The following SYT1 variants were observed in gnomAD, a reference collection of about 807,000 sequenced individuals.
SYT1 encodes the protein synaptotagmin-1.
In SYT1, 8 loss-of-function variants were observed where a neutral mutation model predicts 44.8. The ratio of observed to expected loss-of-function variants is 0.18; its 90% CI spans 0.10 to 0.32. SYT1 has a LOEUF of 0.32. SYT1 is among the 10% of genes least tolerant of loss of function. The probability of loss-of-function intolerance (pLI) is 1.00; values close to 1 mark genes in which losing one functional copy is unlikely to be tolerated. For missense variants in SYT1, 286 were observed against 509.3 expected (o/e 0.56, Z 4.22); for synonymous variants, 154 against 188.8 (o/e 0.82, Z 1.51).
At chr12:79,034,115 A>T (rs1463787765) in intron 2 of SYT1, among the ~76,000 whole-genome samples, 1 of 151,494 alleles carries the variant, frequency 6.6e-6, no homozygotes, top group African/African-American at 2.4e-5. Context: ...TGAATTTTTT[A>T]AATATAAGAA....
At chr12:79,147,263 C>G (rs556476071) in intron 3 of SYT1, among the ~76,000 whole-genome samples, 2 of 152,304 alleles carry the variant, frequency 1.3e-5, no homozygotes, top group South Asian at 4.1e-4. Context: ...CTTCCTCCAC[C>G]TCTTAGCTAA....
chr12:79,133,187 A>G (rs1465461860), intron 3 of SYT1, among the ~76,000 whole-genome samples: 1 of 152,154 alleles, frequency 6.6e-6, no homozygotes, highest in African/African-American at 2.4e-5. Flanking sequence ...AGGTAACCAT[A>G]GTCAAGAACT....
intron 4 of SYT1, among the ~76,000 whole-genome samples, chr12:79,236,934 ATAGT>A (rs1565869022): frequency 2.6e-5 from 4 of 152,216 alleles, no homozygotes; most frequent in Non-Finnish European, 5.9e-5. Flanking sequence ...ACTTTATTTA[ATAGT>A]TAAAGATGAG....
rs1565841872 is a variant in SYT1 at position 79,179,345 on chromosome 12, T to TA, written c.-17-38158_-17-38157insA. On this transcript the variant is annotated intron_variant, in intron 3 of 10. Coordinates refer to ENST00000261205, the MANE Select transcript of SYT1 (RefSeq NM_005639.3). ...AGATATAGATATAGATATATCGATATGTCTATATCGATATAGATATAGATA... is the reference window on the plus strand; with the variant it reads ...AGATATAGATATAGATATATCGATATAGTCTATATCGATATAGATATAGATA... Among the ~76,000 whole-genome samples, 13 of 60,320 alleles carry TA rather than the reference T, an allele frequency of 2.2e-4. 3 individuals carry two copies. The highest frequency in any genetic ancestry group is 6.9e-4 in the African/African-American group (9 of 13,036). The allele number at this position is 60,320 out of a possible 152,430, so 39.6% of individuals were successfully genotyped here.
At chr12:79,024,306 C>A (rs1872386344) in intron 2 of SYT1, among the ~76,000 whole-genome samples, 3 of 151,682 alleles carry the variant, frequency 2.0e-5, no homozygotes, top group Admixed American at 2.0e-4. Flanking sequence ...GAGCACCTAT[C>A]CCAAGCTTCT....
intron 9 of SYT1, among the ~76,000 whole-genome samples, chr12:79,425,480 T>C (rs1005677883): frequency 5.9e-5 from 9 of 152,142 alleles, no homozygotes; most frequent in Admixed American, 3.3e-4. Context: ...GGCCCCATTT[T>C]CAATTTCTAT....
chr12:79,030,711 T>A (rs1024484614), intron 2 of SYT1, among the ~76,000 whole-genome samples: 1 of 151,074 alleles, frequency 6.6e-6, no homozygotes, highest in African/African-American at 2.4e-5. Flanking sequence ...CAAAATATAA[T>A]GAACCAATAT....
intron 1 of SYT1, chr12:78,976,623 A>T (rs544607742): frequency 6.6e-6 from 1 of 152,344 alleles, no homozygotes; most frequent in African/African-American, 2.4e-5. Flanking sequence ...ATCTTCAAAT[A>T]ACAGAGTGTT....
At chr12:79,310,501 C>T (rs564541579) in intron 8 of SYT1, among the ~76,000 whole-genome samples, 1 of 151,970 alleles carries the variant, frequency 6.6e-6, no homozygotes, top group Non-Finnish European at 1.5e-5. Flanking sequence ...GCAATGCAGG[C>T]TCTTTTGGTT....
At chr12:79,114,884 G>C (rs1182459728) in intron 3 of SYT1, among the ~76,000 whole-genome samples, 1 of 151,844 alleles carries the variant, frequency 6.6e-6, no homozygotes, top group East Asian at 1.9e-4. Context: ...ATACCAAACT[G>C]GCAACATTCC....
At chr12:79,436,998 G>A (rs1870127898) in intron 9 of SYT1, among the ~76,000 whole-genome samples, 1 of 152,190 alleles carries the variant, frequency 6.6e-6, no homozygotes, top group South Asian at 2.1e-4. Flanking sequence ...CTTCAGGGAA[G>A]TGGTGACTTT....
chr12:79,152,934 C>CATT (rs1193283964), intron 3 of SYT1, among the ~76,000 whole-genome samples: 3 of 150,220 alleles, frequency 2.0e-5, no homozygotes, highest in Admixed American at 6.6e-5. Context: ...AGGTTTTACC[C>CATT]ATTATTATTA....
chr12:79,249,348 C>A (rs527548685), intron 4 of SYT1, among the ~76,000 whole-genome samples: 56 of 151,988 alleles, frequency 3.7e-4, no homozygotes, highest in African/African-American at 1.3e-3. Context: ...TCATGATCCA[C>A]CCGCCTCGGC....
intron 8 of SYT1, among the ~76,000 whole-genome samples, chr12:79,339,431 C>T (rs1272073668): frequency 6.6e-6 from 1 of 152,194 alleles, no homozygotes; most frequent in African/African-American, 2.4e-5. Context: ...TGATGATGAG[C>T]ATTTTTTCAT....
chr12:79,115,461 T>A (rs551920920), intron 3 of SYT1, among the ~76,000 whole-genome samples: 1 of 152,310 alleles, frequency 6.6e-6, no homozygotes, highest in East Asian at 1.9e-4. Context: ...GAGCAATACA[T>A]AAACAACAAA....
chr12:79,058,422 C>G (rs372937591), intron 3 of SYT1, among the ~76,000 whole-genome samples: 59 of 152,076 alleles, frequency 3.9e-4, no homozygotes, highest in African/African-American at 5.6e-4. Context: ...TTTCACACAG[C>G]CTTCTCTCTC....
At chr12:79,395,202 CTTTTTTGGTTTTTTGG>C (rs1451848069) in intron 9 of SYT1, among the ~76,000 whole-genome samples, 2 of 152,008 alleles carry the variant, frequency 1.3e-5, no homozygotes, top group Non-Finnish European at 1.5e-5. Context: ...CAGAGATCAA[CTTTTTTGGTTTTTTGG>C]TTTTTTGGTT....
intron 1 of SYT1, among the ~76,000 whole-genome samples, chr12:78,925,818 G>T (rs866857283): frequency 6.6e-6 from 1 of 151,792 alleles, no homozygotes; most frequent in Non-Finnish European, 1.5e-5. Context: ...AACCAAATAA[G>T]AATGCACATA....
chr12:78,873,205 T>G (rs999737781), intron 1 of SYT1, among the ~76,000 whole-genome samples: 1 of 151,646 alleles, frequency 6.6e-6, no homozygotes, highest in African/African-American at 2.4e-5. Context: ...AGAAAGCCTC[T>G]TATATTTTTT....
Sources: gnomAD v4.1 joint callset for allele counts (sites outside exome capture counted in the v4.1 genomes callset) on GRCh38, gnomAD v4.1.1 for gene constraint, MANE v1.5 for transcripts, NCBI Gene and HGNC (gene_info 2026-07-23, HGNC 2026-07-21) for gene names.